Variants in LACTB observed in about 807,000 individuals in gnomAD.
LACTB encodes the protein serine beta-lactamase-like protein LACTB, mitochondrial.
In LACTB, 35 loss-of-function variants were observed where a neutral mutation model predicts 50.2. The observed-to-expected ratio is 0.70, with a 90% CI of 0.53 to 0.92. LACTB has a LOEUF of 0.92. Ranked by LOEUF, LACTB falls within the 40% of genes least tolerant of loss-of-function variation. The pLI is 0.00. For missense variants in LACTB, 664 were observed against 691.8 expected, an observed-to-expected ratio of 0.96 and a Z score of 0.45; for synonymous variants, 252 against 268.2, an observed-to-expected ratio of 0.94 and a Z score of 0.59.
At chr15:63,139,192 TCCAAAAA>T (rs1456926840) in intron 5 of LACTB, among the ~76,000 whole-genome samples, 34 of 125,844 alleles carry the variant, frequency 2.7e-4, no homozygotes, top group Middle Eastern at 4.5e-3. Context: ...CTACTAAAAA[TCCAAAAA>T]AAAAAAAAAA....
intron 5 of LACTB, among the ~76,000 whole-genome samples, chr15:63,132,819 T>TA (rs1555416507): frequency 1.5e-4 from 22 of 143,518 alleles, no homozygotes; most frequent in African/African-American, 5.1e-4. Context: ...AGACCCCATT[T>TA]AAAAAAAATT....
At position 63,121,887 on chromosome 15, in the gene LACTB, T is replaced by G; in HGVS notation, c.16T>G (p.Ser6Ala). ...CAGAGACGCCATGTACCGGCTCATG[T>G]CAGCAGTGACTGCCCGGGCTGCCGC... Reference protein sequence around the residue: MYRLMSAVTARAAAPG... With the variant: MYRLMAAVTARAAAPG... Residue 6 changes from serine (S) to alanine (A), a missense_variant, in exon 1 of 6, where the codon TCA becomes GCA. Ser to Ala is a moderately conservative substitution (Grantham distance 99, BLOSUM62 1). Coordinates refer to ENST00000261893, the MANE Select transcript of LACTB (RefSeq NM_032857.5). 1 of 1,414,570 alleles carries G rather than the reference T, an allele frequency of 7.1e-7. No individual in the cohort carries two copies. Among genetic ancestry groups the G allele is most frequent in the Middle Eastern group, 2.0e-4 (1 of 4,908 alleles). The allele number at this position is 1,414,570 out of a possible 1,614,324, so 87.6% of individuals were successfully genotyped here. A position where few individuals can be genotyped will look rare whatever the true frequency, so the allele number is the denominator to read the frequency against.
chr15:63,137,883 T>C (rs2037191212), intron 5 of LACTB, among the ~76,000 whole-genome samples: 1 of 152,216 alleles, frequency 6.6e-6, no homozygotes, highest in African/African-American at 2.4e-5. Flanking sequence ...TGACAGACTC[T>C]CTACTGGTAG....
Position 63,141,783 on chromosome 15 carries a change from T to A in LACTB, c.1622T>A (p.Phe541Tyr), listed in dbSNP as rs2037231849. ...NSTALKIALE[F>Y]DKDRSD is the part of the protein sequence containing the mutation. ...ACCGCTTTGAAGATTGCCCTTGAAT[T>A]TGATAAAGACAGATCAGACTGATAA... Residue 541 changes from phenylalanine to tyrosine, a missense_variant, in exon 6 of 6, where the codon TTT becomes TAT. Coordinates refer to ENST00000261893, the MANE Select transcript of LACTB (RefSeq NM_032857.5). The A allele has an allele frequency of 4.3e-6, 7 of 1,613,358 alleles. No individual in the cohort carries two copies. The highest frequency in any genetic ancestry group is 5.9e-6 in the Non-Finnish European group (7 of 1,179,410).
At position 63,132,546 on chromosome 15, in the gene LACTB, G is replaced by A. The variant is rs370646453; in HGVS notation, c.1118+2896G>A. Among the ~76,000 whole-genome samples the A allele has an allele frequency of 1.8e-4, 27 of 152,222 alleles. No homozygotes were observed. In the East Asian group the frequency reaches 3.7e-3, roughly 21 times the overall value. On this transcript the variant is annotated intron_variant, in intron 5 of 5. Coordinates refer to ENST00000261893, the MANE Select transcript of LACTB (RefSeq NM_032857.5). ...AATTAAGATTTTGGGGGCGGGGCAA[G>A]GTGGCTCACACCTGTAATCCCAGCA...
rs146700594 is a variant in LACTB at position 63,126,523 on chromosome 15, A to G, written c.425-336A>G. Among the ~76,000 whole-genome samples, 485 of 152,350 alleles carry G rather than the reference A, an allele frequency of 3.2e-3. 3 individuals carry two copies. Among genetic ancestry groups the G allele is most frequent in the East Asian group, 0.013 (65 of 5,188 alleles). On this transcript the variant is annotated intron_variant, in intron 2 of 5. Transcript: ENST00000261893. Reference sequence around the variant, plus strand: ...AGTCAAAAATAAATATAATCTGAAGAAGAATAATGATGTTTTCTTTAAAGA... The same window carrying G: ...AGTCAAAAATAAATATAATCTGAAGGAGAATAATGATGTTTTCTTTAAAGA...
At chr15:63,125,410 C>T (rs1257850007) in intron 2 of LACTB, among the ~76,000 whole-genome samples, 3 of 151,956 alleles carry the variant, frequency 2.0e-5, no homozygotes, top group Admixed American at 1.3e-4. Context: ...TCAGGTGATG[C>T]GCCTGCCTCG....
chr15:63,141,710 A>G lies in LACTB; in HGVS notation c.1549A>G (p.Ile517Val). 1 of 1,614,200 alleles carries G rather than the reference A, an allele frequency of 6.2e-7. No individual in the cohort carries two copies. The highest frequency in any genetic ancestry group is 8.5e-7 in the Non-Finnish European group (1 of 1,180,032). The change falls in exon 6 of 6, where the codon ATC becomes GTC. Residue 517 changes from isoleucine to valine, a missense_variant. Coordinates refer to ENST00000261893, the MANE Select transcript of LACTB (RefSeq NM_032857.5). Reference sequence around the variant, plus strand: ...AAATAACAAGGTTCCCCCAAGAGGAATCATTGTTTCTATCATATGTAACAT... The same window carrying G: ...AAATAACAAGGTTCCCCCAAGAGGAGTCATTGTTTCTATCATATGTAACAT... ...TINNKVPPRG[I>V]IVSIICNMQS...
At position 63,122,143 on chromosome 15, in the gene LACTB, G is replaced by T; in HGVS notation, c.272G>T (p.Trp91Leu). Residue 91 changes from tryptophan (W) to leucine (L), a missense_variant, in exon 1 of 6, where the codon TGG becomes TTG. Physicochemically the swap from Trp to Leu is moderately conservative, Grantham distance 61. Transcript: ENST00000261893. ...CCACAGGAGCAGTCCCTCGCCCCGT[G>T]GTCTCCGCAGACCCCGGCGCCGCCC... ...EPPQEQSLAPWSPQTPAPPCS... is the reference protein window; with the variant it reads ...EPPQEQSLAPLSPQTPAPPCS... 1 of 1,502,358 alleles carries T rather than the reference G, an allele frequency of 6.7e-7. No homozygotes were observed. The highest frequency in any genetic ancestry group is 8.8e-7 in the Non-Finnish European group (1 of 1,133,594). The allele number at this position is 1,502,358 out of a possible 1,614,324, so 93.1% of individuals were successfully genotyped here.
At chr15:63,131,828 C>T (rs28715245) in intron 5 of LACTB, among the ~76,000 whole-genome samples, 2 of 151,954 alleles carry the variant, frequency 1.3e-5, no homozygotes, top group African/African-American at 4.8e-5. Context: ...GCCTGTAGTC[C>T]TAGTTACTCG....
chr15:63,121,888 C>G lies in LACTB; in HGVS notation c.17C>G (p.Ser6Ter), dbSNP rs1410523635. 2 of 1,415,820 alleles carry G rather than the reference C, an allele frequency of 1.4e-6. No homozygotes were observed. The highest frequency in any genetic ancestry group is 1.8e-6 in the Non-Finnish European group (2 of 1,090,582). 87.7% of individuals were successfully genotyped at this position (1,415,820 alleles called of 1,614,324 possible). A position where few individuals can be genotyped will look rare whatever the true frequency, so the allele number is the denominator to read the frequency against. ...AGAGACGCCATGTACCGGCTCATGT[C>G]AGCAGTGACTGCCCGGGCTGCCGCC... MYRLM[S>*]AVTARAAAPG... Residue 6 changes from serine to a stop codon, truncating the protein, a stop_gained, in exon 1 of 6, where the codon TCA becomes TGA. Coordinates refer to ENST00000261893, the MANE Select transcript of LACTB (RefSeq NM_032857.5). LOFTEE classifies it high-confidence loss of function.
At chr15:63,140,443 A>G (rs2037217777) in intron 5 of LACTB, among the ~76,000 whole-genome samples, 1 of 152,160 alleles carries the variant, frequency 6.6e-6, no homozygotes, top group Admixed American at 6.6e-5. Flanking sequence ...CTTTTTTAAA[A>G]TCTTCAGACA....
intron 2 of LACTB, among the ~76,000 whole-genome samples, chr15:63,124,962 A>T: frequency 2.0e-4 from 2 of 9,972 alleles, no homozygotes; most frequent in East Asian, 0.25. Flanking sequence ...AAAAAAAAAG[A>T]AAAAAAAATG....
Position 63,138,895 on chromosome 15 carries a change from A to G in LACTB, c.1119-2385A>G, listed in dbSNP as rs147765381. ...TTTCTACTAAAAATACTATATATATATATTAGCTGTGCGTGGTGGTGGGCG... is the reference window on the plus strand; with the variant it reads ...TTTCTACTAAAAATACTATATATATGTATTAGCTGTGCGTGGTGGTGGGCG... On this transcript the variant is annotated intron_variant, in intron 5 of 5. Coordinates refer to ENST00000261893, the MANE Select transcript of LACTB (RefSeq NM_032857.5). Among the ~76,000 whole-genome samples, 86 of 151,442 alleles carry G rather than the reference A, an allele frequency of 5.7e-4. No individual in the cohort carries two copies. In the East Asian group the frequency reaches 0.012, roughly 21 times the overall value.
chr15:63,126,870 G>A lies in LACTB; in HGVS notation c.436G>A (p.Ala146Thr), dbSNP rs767680456. 1.9e-6 allele frequency: 3 copies of A among 1,572,010 alleles called. No individual in the cohort carries two copies. Among genetic ancestry groups the A allele is most frequent in the Admixed American group, 1.8e-5 (1 of 55,830 alleles). Residue 146 changes from alanine to threonine, a missense_variant, in exon 3 of 6, where the codon GCT (alanine) becomes ACT (threonine). Ala to Thr is a moderately conservative substitution (Grantham distance 58). Transcript: ENST00000261893. ...TTTTTCCCCCAAAGGTTTAGGTTAT[G>A]CTGATGTTGAGAACCGTGTACCATG... ...KEVWSEGLGY[A>T]DVENRVPCKP...
intron 4 of LACTB, among the ~76,000 whole-genome samples, chr15:63,129,193 T>C (rs935188057): frequency 6.6e-6 from 1 of 152,222 alleles, no homozygotes. Flanking sequence ...TATTTTTGTT[T>C]TGTTTTGAGG....
At chr15:63,138,970 G>A (rs1463452567) in intron 5 of LACTB, among the ~76,000 whole-genome samples, 1 of 150,828 alleles carries the variant, frequency 6.6e-6, no homozygotes, top group African/African-American at 2.4e-5. Flanking sequence ...CTTGAATCCG[G>A]GAGGCAGAGA....
At chr15:63,141,216 C>T (rs888932313) in intron 5 of LACTB, 64 bp from the exon 6 acceptor site, 4 of 1,507,024 alleles carry the variant, frequency 2.7e-6, no homozygotes, top group Middle Eastern at 3.8e-4. Flanking sequence ...ATACATTTTT[C>T]TATCATCATG....
At chr15:63,137,289 A>C (rs2037187046) in intron 5 of LACTB, among the ~76,000 whole-genome samples, 2 of 152,220 alleles carry the variant, frequency 1.3e-5, no homozygotes, top group Admixed American at 6.5e-5. Flanking sequence ...CCACTGAAAG[A>C]CACTCAATTT....
Sources: gnomAD v4.1 joint callset for allele counts (sites outside exome capture counted in the v4.1 genomes callset) on GRCh38, gnomAD v4.1.1 for gene constraint, MANE v1.5 for transcripts, NCBI Gene and HGNC (gene_info 2026-07-23, HGNC 2026-07-21) for gene names.